MAF: variants seen among roughly 807,000 people sequenced by gnomAD.
The protein encoded by MAF is MAF bZIP transcription factor.
A neutral mutation model predicts 22.0 loss-of-function variants in MAF; 10 were observed. That is an observed-to-expected ratio of 0.45 (90% CI 0.28 to 0.77). The LOEUF (loss-of-function observed/expected upper bound fraction) is 0.77, where lower values mean the gene tolerates loss of function less well. MAF is among the 30% of genes least tolerant of loss of function. The pLI is 0.12. For synonymous variants in MAF, 337 were observed against 255.8 expected, an observed-to-expected ratio of 1.32 and a Z score of -3.03; for missense variants, 544 against 548.4, an observed-to-expected ratio of 0.99 and a Z score of 0.08.
At chr16:79,349,550 C>A in the MAF span, among the ~76,000 whole-genome samples, 1 of 152,206 alleles carries the variant, frequency 6.6e-6, no homozygotes, top group Non-Finnish European at 1.5e-5. Flanking sequence ...CCAGCAGACA[C>A]CAGACTGACC....
At chr16:79,274,710 A>G in the MAF span, among the ~76,000 whole-genome samples, 4 of 152,204 alleles carry the variant, frequency 2.6e-5, no homozygotes, top group Admixed American at 2.6e-4. Context: ...TACCATCAGC[A>G]GTCCTACCCT....
chr16:79,551,767 T>C, the MAF span, among the ~76,000 whole-genome samples: 2 of 152,216 alleles, frequency 1.3e-5, no homozygotes, highest in Non-Finnish European at 2.9e-5. Flanking sequence ...ATAAATGCTA[T>C]GCCCATTCAT....
the MAF span, among the ~76,000 whole-genome samples, chr16:79,350,029 C>T: frequency 6.6e-6 from 1 of 152,226 alleles, no homozygotes; most frequent in Non-Finnish European, 1.5e-5. Flanking sequence ...GGAAGCTCCC[C>T]AGGACTGCCC....
chr16:79,226,628 A>G, the MAF span, among the ~76,000 whole-genome samples: 6 of 152,098 alleles, frequency 3.9e-5, no homozygotes, highest in Non-Finnish European at 2.9e-5. Context: ...TACATTCATG[A>G]CTTTGTACCT....
chr16:79,598,290 AAC>A (rs1256581211), intron 1 of MAF: 345 of 1,020,866 alleles, frequency 3.4e-4, no homozygotes, highest in East Asian at 1.4e-3. Flanking sequence ...AACAAAATAA[AAC>A]ACACACACAC....
At chr16:79,324,330 T>C in the MAF span, among the ~76,000 whole-genome samples, 2 of 152,174 alleles carry the variant, frequency 1.3e-5, no homozygotes, top group Admixed American at 1.3e-4. Flanking sequence ...TGCTTATATG[T>C]GGTTTTGTTT....
chr16:79,560,380 A>T, the MAF span, among the ~76,000 whole-genome samples: 4 of 152,194 alleles, frequency 2.6e-5, no homozygotes, highest in East Asian at 7.7e-4. Context: ...GAACAAATAC[A>T]ATGTTGAAAA....
the MAF span, among the ~76,000 whole-genome samples, chr16:79,520,073 G>A: frequency 6.6e-6 from 1 of 152,178 alleles, no homozygotes; most frequent in Non-Finnish European, 1.5e-5. Flanking sequence ...GTTCGCATAG[G>A]TATTGCAAAG....
At chr16:79,519,105 C>A in the MAF span, among the ~76,000 whole-genome samples, 1,283 of 152,234 alleles carry the variant, frequency 8.4e-3, 20 homozygotes, top group African/African-American at 0.026. Flanking sequence ...AAAGTTCCTC[C>A]TGCCTATTAT....
At chr16:79,357,528 T>C in the MAF span, among the ~76,000 whole-genome samples, 1 of 152,208 alleles carries the variant, frequency 6.6e-6, no homozygotes, top group Admixed American at 6.5e-5. Flanking sequence ...CTGACAGATA[T>C]GGGAACCCTG....
intron 1 of MAF, among the ~76,000 whole-genome samples, chr16:79,587,164 CAA>C (rs1029211777): frequency 6.6e-6 from 1 of 152,188 alleles, no homozygotes; most frequent in Non-Finnish European, 1.5e-5. Context: ...TTGTATCTGT[CAA>C]AGTTGCCCTA....
At chr16:79,453,951 G>T in the MAF span, among the ~76,000 whole-genome samples, 1 of 152,140 alleles carries the variant, frequency 6.6e-6, no homozygotes, top group East Asian at 1.9e-4. Flanking sequence ...TAGTTTATTG[G>T]ATTATTATTA....
At chr16:79,379,666 A>G in the MAF span, among the ~76,000 whole-genome samples, 2 of 152,196 alleles carry the variant, frequency 1.3e-5, no homozygotes, top group Non-Finnish European at 2.9e-5. Context: ...GAATAAGTGA[A>G]ACTAAGTCAT....
the MAF span, among the ~76,000 whole-genome samples, chr16:79,555,878 T>C: frequency 6.6e-6 from 1 of 152,184 alleles, no homozygotes; most frequent in Admixed American, 6.5e-5. Flanking sequence ...GATAGGGATA[T>C]AAACCTGTTA....
At chr16:79,309,491 T>C in the MAF span, among the ~76,000 whole-genome samples, 20 of 152,350 alleles carry the variant, frequency 1.3e-4, no homozygotes, top group Non-Finnish European at 1.9e-4. Context: ...TTTTTATATG[T>C]AAACGGTTTT....
the MAF span, among the ~76,000 whole-genome samples, chr16:79,579,823 T>C: frequency 6.6e-6 from 1 of 152,058 alleles, no homozygotes; most frequent in Non-Finnish European, 1.5e-5. Flanking sequence ...TTATTATTAG[T>C]GTGGAAGGAA....
chr16:79,480,605 C>T, the MAF span, among the ~76,000 whole-genome samples: 1 of 152,056 alleles, frequency 6.6e-6, no homozygotes, highest in Middle Eastern at 3.2e-3. Context: ...TATCAGTTCT[C>T]ACTATGGAGG....
the MAF span, among the ~76,000 whole-genome samples, chr16:79,487,185 G>C: frequency 6.8e-6 from 1 of 146,956 alleles, no homozygotes; most frequent in Non-Finnish European, 1.5e-5. Context: ...TAAGAACATT[G>C]TCTCTAATGA....
chr16:79,225,205 C>T, the MAF span, among the ~76,000 whole-genome samples: 1 of 152,110 alleles, frequency 6.6e-6, no homozygotes, highest in Admixed American at 6.6e-5. Flanking sequence ...AGAAATAGCA[C>T]CACAAAACTA....
Sources: gnomAD v4.1 joint callset for allele counts (sites outside exome capture counted in the v4.1 genomes callset) on GRCh38, gnomAD v4.1.1 for gene constraint, MANE v1.5 for transcripts, NCBI Gene and HGNC (gene_info 2026-07-23, HGNC 2026-07-21) for gene names.